RIPOR2: variants seen among roughly 807,000 people sequenced by gnomAD.
RIPOR2 encodes the protein RHO family interacting cell polarization regulator 2, also known as rho family-interacting cell polarization regulator 2.
RIPOR2 carries 39 observed loss-of-function variants against 114.5 expected under a neutral mutation model. The ratio of observed to expected loss-of-function variants is 0.34; its 90% CI spans 0.26 to 0.44. RIPOR2 has a LOEUF of 0.44. Among genes scored for constraint, RIPOR2 ranks in the 20% least tolerant of loss-of-function variants. The pLI is 1.00. For missense variants in RIPOR2, 1,007 were observed against 1,255.1 expected (o/e 0.80, Z 2.99); for synonymous variants, 445 against 484.4 (o/e 0.92, Z 1.07).
intron 19 of RIPOR2, among the ~76,000 whole-genome samples, chr6:24,820,869 C>CTTTTT (rs34770819): frequency 0.02 from 1,645 of 83,964 alleles, 52 homozygotes; most frequent in Non-Finnish European, 0.021. Flanking sequence ...GTTTAACACT[C>CTTTTT]TTTTTTTTTT....
At chr6:24,953,051 T>C (rs1581866490) in intron 1 of RIPOR2, among the ~76,000 whole-genome samples, 1 of 152,156 alleles carries the variant, frequency 6.6e-6, no homozygotes, top group Non-Finnish European at 1.5e-5. Flanking sequence ...ATGAAGGTTA[T>C]GGCTGGGTGT....
At chr6:24,860,008 C>T (rs1465235988) in intron 8 of RIPOR2, among the ~76,000 whole-genome samples, 3 of 152,204 alleles carry the variant, frequency 2.0e-5, no homozygotes, top group Non-Finnish European at 4.4e-5. Flanking sequence ...CATGCCTGGC[C>T]ACTGAGCCGT....
In RIPOR2 at chr6:24,871,785, C is replaced by A. The variant is rs539140220; in HGVS notation, c.424-896G>T. On this transcript the variant is annotated intron_variant, in intron 4 of 21. Coordinates refer to ENST00000643898, the MANE Select transcript of RIPOR2 (RefSeq NM_001286445.3). ...ATATCCTCTAATTGAAGGATTTTTA[C>A]GGAACATGAGGTCTTGGCAGAAGCC... 5.3e-5 allele frequency among the ~76,000 whole-genome samples: 8 copies of A among 152,304 alleles called. 1 individual carries two copies. In the South Asian group the frequency reaches 1.7e-3, roughly 32 times the overall value.
At chr6:24,876,859 G>T (rs989187581) in intron 1 of RIPOR2, 5 of 544,970 alleles carry the variant, frequency 9.2e-6, no homozygotes, top group Non-Finnish European at 1.2e-5. Flanking sequence ...CTTCAGCTGA[G>T]CAGAAGCCCA....
At chr6:24,848,252 C>T in intron 11 of RIPOR2, 98 bp from the exon 12 acceptor site, 1 of 1,275,332 alleles carries the variant, frequency 7.8e-7, no homozygotes, top group Non-Finnish European at 1.1e-6. Context: ...TAAAGGTAAA[C>T]TCAACCAGAG....
chr6:24,943,267 C>A (rs533926557), intron 1 of RIPOR2, among the ~76,000 whole-genome samples: 1 of 152,270 alleles, frequency 6.6e-6, no homozygotes, highest in African/African-American at 2.4e-5. Flanking sequence ...TGCATGTTCT[C>A]ACTCATAGGT....
At chr6:24,877,216 C>G in intron 1 of RIPOR2, 1 of 985,448 alleles carries the variant, frequency 1.0e-6, no homozygotes, top group Non-Finnish European at 1.2e-6. Context: ...AGCAGCTCAG[C>G]AAGGAAGGCA....
intron 1 of RIPOR2, among the ~76,000 whole-genome samples, chr6:25,039,028 C>G (rs1453954395): frequency 6.6e-6 from 1 of 152,178 alleles, no homozygotes; most frequent in Admixed American, 6.5e-5. Context: ...CATTCAAGGT[C>G]CCTCTGTGTA....
chr6:24,967,535 G>A lies in RIPOR2; in HGVS notation c.76+74316C>T, dbSNP rs115108930. Among the ~76,000 whole-genome samples, 495 of 152,250 alleles carry A rather than the reference G, an allele frequency of 3.3e-3. 3 individuals are homozygous for A. The highest frequency in any genetic ancestry group is 0.011 in the African/African-American group (456 of 41,524). ...GCTGGTGAGAAGCCAAGAGGTCCCT[G>A]CAACTCAGGCCTTCTGACATGCCCT... On this transcript the variant is annotated intron_variant, in intron 1 of 13. Coordinates refer to the RIPOR2 transcript ENST00000510784.
At chr6:25,024,064 G>A in intron 1 of RIPOR2, 3 of 764,684 alleles carry the variant, frequency 3.9e-6, no homozygotes, top group Non-Finnish European at 7.2e-6. Context: ...CCTCCAGGGA[G>A]CAGTGCCCTT....
intron 1 of RIPOR2, among the ~76,000 whole-genome samples, chr6:24,996,174 T>C (rs972807468): frequency 7.2e-5 from 11 of 152,236 alleles, no homozygotes; most frequent in African/African-American, 2.7e-4. Flanking sequence ...TGTTTCCTTA[T>C]TGTCCCTAGA....
At chr6:24,887,690 C>G (rs114584234) in intron 1 of RIPOR2, among the ~76,000 whole-genome samples, 2,135 of 152,268 alleles carry the variant, frequency 0.014, 20 homozygotes, top group Non-Finnish European at 0.025. Flanking sequence ...AAGGGTCTGG[C>G]TGAGTCATTT....
intron 1 of RIPOR2, among the ~76,000 whole-genome samples, chr6:24,907,846 A>C (rs886904075): frequency 4.6e-5 from 7 of 152,198 alleles, no homozygotes; most frequent in Non-Finnish European, 8.8e-5. Flanking sequence ...TTTTCTGAAC[A>C]GATCTTTATA....
intron 1 of RIPOR2, chr6:24,910,758 C>A (rs1769486674): frequency 1.0e-6 from 1 of 959,224 alleles, no homozygotes; most frequent in South Asian, 4.8e-5. Flanking sequence ...CCCACACAGA[C>A]CTCACCGCGT....
intron 1 of RIPOR2, among the ~76,000 whole-genome samples, chr6:24,903,361 C>A (rs1397054481): frequency 1.3e-5 from 2 of 151,984 alleles, no homozygotes; most frequent in Non-Finnish European, 2.9e-5. Context: ...GAACATAAAC[C>A]CCCATCTCTC....
intron 1 of RIPOR2, among the ~76,000 whole-genome samples, chr6:24,930,003 A>G (rs1771259693): frequency 6.6e-6 from 1 of 152,198 alleles, no homozygotes. Context: ...TGAGCCCAGG[A>G]AGTTGAGGCT....
chr6:24,962,593 T>C (rs1046169031), intron 1 of RIPOR2, among the ~76,000 whole-genome samples: 1 of 152,104 alleles, frequency 6.6e-6, no homozygotes, highest in African/African-American at 2.4e-5. Context: ...GTTTTCATGG[T>C]AACATGTATT....
chr6:24,991,945 A>G (rs1774836804), intron 1 of RIPOR2, among the ~76,000 whole-genome samples: 1 of 152,136 alleles, frequency 6.6e-6, no homozygotes, highest in Admixed American at 6.5e-5. Context: ...AGCTCCACAG[A>G]GAGAGTTCAC....
intron 20 of RIPOR2, among the ~76,000 whole-genome samples, chr6:24,811,444 C>T (rs1263756216): frequency 2.6e-5 from 4 of 151,410 alleles, no homozygotes; most frequent in African/African-American, 9.7e-5. Flanking sequence ...ATCATGTTGA[C>T]CAGGCTGGTC....
Sources: gnomAD v4.1 joint callset for allele counts (sites outside exome capture counted in the v4.1 genomes callset) on GRCh38, gnomAD v4.1.1 for gene constraint, MANE v1.5 for transcripts, NCBI Gene and HGNC (gene_info 2026-07-23, HGNC 2026-07-21) for gene names.